Variants in SLC9A2 observed in about 807,000 individuals in gnomAD.
SLC9A2 encodes the protein sodium/hydrogen exchanger 2.
SLC9A2 carries 42 observed loss-of-function variants against 71.7 expected under a neutral mutation model. The observed-to-expected ratio is 0.59, with a 90% CI of 0.46 to 0.76. The LOEUF is 0.76. Among genes scored for constraint, SLC9A2 ranks in the 30% least tolerant of loss-of-function variants. The pLI, the probability that SLC9A2 is intolerant of heterozygous loss-of-function variation, is 0.00. For missense variants in SLC9A2, 829 were observed against 1,017.4 expected (o/e 0.81, Z 2.52); for synonymous variants, 396 against 392.5 (o/e 1.01, Z -0.10).
At chr2:102,673,257 T>A (rs189367698) in intron 3 of SLC9A2, among the ~76,000 whole-genome samples, 1,787 of 152,274 alleles carry the variant, frequency 0.012, 39 homozygotes, top group African/African-American at 0.041. Context: ...GAAAAGCTCA[T>A]TTTCTAGGAA....
intron 5 of SLC9A2, among the ~76,000 whole-genome samples, chr2:102,691,853 G>C (rs977267878): frequency 5.3e-5 from 8 of 152,112 alleles, no homozygotes; most frequent in African/African-American, 1.9e-4. Flanking sequence ...TATGGACTGG[G>C]GTAAGCCCTG....
chr2:102,620,221 C>T lies in SLC9A2; in HGVS notation c.289+84C>T. The T allele has an allele frequency of 2.5e-6, 3 of 1,210,608 alleles. No individual in the cohort carries two copies. In the South Asian group the frequency reaches 4.6e-5, roughly 18 times the overall value. The allele number at this position is 1,210,608 out of a possible 1,614,324, so 75.0% of individuals were successfully genotyped here. The stretch of plus-strand genomic sequence containing the variant: ...GGTGACCGGGTCAGCCAGCTGACCT[C>T]TAGATAGTGACCGCCTCATCTTGAA... On this transcript the variant is annotated intron_variant, in intron 1 of 11. Coordinates refer to ENST00000233969, the MANE Select transcript of SLC9A2 (RefSeq NM_003048.6).
Position 102,708,458 on chromosome 2 carries a change from G to C in SLC9A2, c.2408G>C (p.Arg803Pro), listed in dbSNP as rs144197023. 1.9e-6 allele frequency: 3 copies of C among 1,614,116 alleles called. No individual in the cohort carries two copies. The African/African-American group carries it at 4.0e-5, about 22-fold the overall frequency. Residue 803 changes from arginine to proline, a missense_variant, in exon 12 of 12, where the codon CGG (arginine) becomes CCG (proline). This residue lies in a region of SLC9A2 where 223 missense variants were observed against 197.5 expected (regional missense o/e 1.13). Transcript: ENST00000233969. The stretch of plus-strand genomic sequence containing the variant: ...TGGAGGGCATCGGAACCTGGAAGCC[G>C]GAAAGCCCGATTTGGGAGTGAGAAG... ...LVWRASEPGS[R>P]KARFGSEKP
rs1678051555 is a variant in SLC9A2 at position 102,709,166 on chromosome 2, C to CCTCT, written c.*678_*681dup. 1 of 152,430 alleles carries CCTCT rather than the reference C, an allele frequency of 6.6e-6. No individual in the cohort carries two copies. The highest frequency in any genetic ancestry group is 2.4e-5 in the African/African-American group (1 of 41,468). The allele number at this position is 152,430 out of a possible 1,614,324, so 9.4% of individuals were successfully genotyped here. ...AGAGTCTACTGGTTTTTAACTTGTT[C>CCTCT]CTCTGTCTACTGTGTGTTTGGGGGT... On this transcript the variant is annotated 3_prime_UTR_variant, in exon 12 of 12. Coordinates refer to ENST00000233969, the MANE Select transcript of SLC9A2 (RefSeq NM_003048.6).
chr2:102,659,881 G>A (rs1677018719), intron 2 of SLC9A2, among the ~76,000 whole-genome samples: 1 of 152,168 alleles, frequency 6.6e-6, no homozygotes, highest in Non-Finnish European at 1.5e-5. Context: ...AATTCCTGGA[G>A]TAAGTCTATT....
At chr2:102,657,498 A>T in intron 1 of SLC9A2, 66 bp from the exon 2 acceptor site, 1 of 1,087,422 alleles carries the variant, frequency 9.2e-7, no homozygotes, top group Non-Finnish European at 1.3e-6. Context: ...ATCAAAGGGA[A>T]CCAATTTCCT....
intron 3 of SLC9A2, among the ~76,000 whole-genome samples, 197 bp downstream of exon 3, chr2:102,665,547 C>T (rs989376580): frequency 7.2e-5 from 11 of 151,814 alleles, no homozygotes; most frequent in East Asian, 3.9e-4. Context: ...GGCCGAGACG[C>T]GTGGATCACA....
At chr2:102,632,997 G>A (rs1210401976) in intron 1 of SLC9A2, among the ~76,000 whole-genome samples, 6 of 152,272 alleles carry the variant, frequency 3.9e-5, no homozygotes, top group African/African-American at 1.2e-4. Context: ...CCTGAGCAGG[G>A]TAATGCAACC....
At position 102,683,414 on chromosome 2, in the gene SLC9A2, C is replaced by A; in HGVS notation, c.1158C>A (p.Asn386Lys). 1.2e-6 allele frequency: 2 copies of A among 1,614,248 alleles called. No homozygotes were observed. The highest frequency in any genetic ancestry group is 1.7e-6 in the Non-Finnish European group (2 of 1,180,042). The change falls in exon 4 of 12, where the codon AAC (asparagine) becomes AAA (lysine). Residue 386 changes from asparagine (N) to lysine (K), a missense_variant. Coordinates refer to ENST00000233969, the MANE Select transcript of SLC9A2 (RefSeq NM_003048.6). ...IFMGVSTVGK[N>K]HEWNWAFVCF... ...TGGGTGTGTCTACCGTGGGCAAGAA[C>A]CACGAGTGGAACTGGGCCTTCGTCT...
chr2:102,637,746 A>G lies in SLC9A2; in HGVS notation c.289+17609A>G, dbSNP rs142156806. On this transcript the variant is annotated intron_variant, in intron 1 of 11. Transcript: ENST00000233969. ...AGGGAGGCACCCCTGGCCCGTGAGG[A>G]GATGGTCCCTCACTCATCTGCTTAA... is the stretch of plus-strand genomic sequence containing the variant. 1.3e-3 allele frequency among the ~76,000 whole-genome samples: 195 copies of G among 152,278 alleles called. 5 individuals are homozygous for G. The East Asian group carries it at 0.031, about 24-fold the overall frequency.
intron 1 of SLC9A2, among the ~76,000 whole-genome samples, chr2:102,653,323 A>AC (rs922792572): frequency 6.6e-6 from 1 of 152,116 alleles, no homozygotes; most frequent in African/African-American, 2.4e-5. Context: ...AAAACATGAA[A>AC]CCATCTTATT....
chr2:102,671,863 T>G (rs544270523), intron 3 of SLC9A2, among the ~76,000 whole-genome samples: 9 of 152,248 alleles, frequency 5.9e-5, no homozygotes, highest in African/African-American at 2.2e-4. Context: ...CCCAGCACTC[T>G]GGGAGGCTGA....
At chr2:102,665,050 A>G (rs1232300336) in intron 2 of SLC9A2, 50 bp from the exon 3 acceptor site, 2 of 1,573,200 alleles carry the variant, frequency 1.3e-6, no homozygotes, top group African/African-American at 1.4e-5. Context: ...CAGAGTGACA[A>G]TGGGGAAATG....
intron 7 of SLC9A2, among the ~76,000 whole-genome samples, chr2:102,696,376 G>T (rs1677769891): frequency 6.6e-6 from 1 of 152,070 alleles, no homozygotes; most frequent in South Asian, 2.1e-4. Flanking sequence ...TTCCTAACTT[G>T]CTAACAGAAT....
At chr2:102,660,614 G>A (rs1418208445) in intron 2 of SLC9A2, among the ~76,000 whole-genome samples, 1 of 152,176 alleles carries the variant, frequency 6.6e-6, no homozygotes, top group South Asian at 2.1e-4. Flanking sequence ...GATGTTTTGT[G>A]GAAGATTCTT....
At chr2:102,667,152 C>G (rs538112077) in intron 3 of SLC9A2, among the ~76,000 whole-genome samples, 1 of 152,324 alleles carries the variant, frequency 6.6e-6, no homozygotes, top group Admixed American at 6.5e-5. Flanking sequence ...ACGCATTAAT[C>G]TAGTTTGACC....
chr2:102,646,102 C>T (rs983476510), intron 1 of SLC9A2, among the ~76,000 whole-genome samples: 4 of 152,196 alleles, frequency 2.6e-5, no homozygotes, highest in African/African-American at 9.7e-5. Flanking sequence ...AACAGTAGAT[C>T]TCCCTGCAAA....
intron 4 of SLC9A2, 111 bp downstream of exon 4, chr2:102,683,589 T>C: frequency 3.8e-6 from 3 of 779,232 alleles, no homozygotes; most frequent in Non-Finnish European, 2.1e-6. Flanking sequence ...GTCTGCTTAA[T>C]TTCTTCTTCT....
chr2:102,710,889 G>T lies in SLC9A2; in HGVS notation c.*2400G>T, dbSNP rs1405614362. 6.6e-6 allele frequency: 1 copy of T among 152,316 alleles called. No homozygotes were observed. Among genetic ancestry groups the T allele is most frequent in the Admixed American group, 6.5e-5 (1 of 15,282 alleles). The allele number at this position is 152,316 out of a possible 1,614,324, so 9.4% of individuals were successfully genotyped here. Reference sequence around the variant, plus strand: ...CTTTGATAGGTCTTTGGTGTTGGTTGTAACAAAATTTGATTTGAACTACCT... The same window carrying T: ...CTTTGATAGGTCTTTGGTGTTGGTTTTAACAAAATTTGATTTGAACTACCT... On this transcript the variant is annotated 3_prime_UTR_variant, in exon 12 of 12. Coordinates refer to ENST00000233969, the MANE Select transcript of SLC9A2 (RefSeq NM_003048.6).
Sources: allele counts gnomAD v4.1 joint callset (sites outside exome capture counted in the v4.1 genomes callset), GRCh38; gene constraint gnomAD v4.1.1; regional missense constraint gnomAD v4.1.1; transcripts MANE v1.5; gene names NCBI Gene and HGNC (gene_info 2026-07-23, HGNC 2026-07-21).